Variants in RPGRIP1 observed in about 807,000 individuals in gnomAD.
The protein encoded by RPGRIP1 is X-linked retinitis pigmentosa GTPase regulator-interacting protein 1.
RPGRIP1 carries 128 observed loss-of-function variants against 157.9 expected under a neutral mutation model. The observed-to-expected ratio is 0.81, with a 90% CI of 0.70 to 0.94. The LOEUF is 0.94. RPGRIP1 is among the 40% of genes least tolerant of loss of function. The pLI is 0.00. For synonymous variants in RPGRIP1, 554 were observed against 571.6 expected (o/e 0.97, Z 0.44); for missense variants, 1,486 against 1,545.8 (o/e 0.96, Z 0.65).
At chr14:21,304,843 C>G (rs1363572427) in intron 6 of RPGRIP1, among the ~76,000 whole-genome samples, 2 of 151,778 alleles carry the variant, frequency 1.3e-5, no homozygotes, top group African/African-American at 4.8e-5. Context: ...GCTCAGTTGC[C>G]CAGGCTGGAG....
chr14:21,340,982 G>A (rs971030367), intron 21 of RPGRIP1, among the ~76,000 whole-genome samples: 6 of 152,144 alleles, frequency 3.9e-5, no homozygotes, highest in Non-Finnish European at 8.8e-5. Flanking sequence ...TTTTCTTGAT[G>A]TTTGGGAGAG....
intron 21 of RPGRIP1, among the ~76,000 whole-genome samples, chr14:21,338,997 G>T (rs58117754): frequency 5.9e-5 from 9 of 152,062 alleles, no homozygotes; most frequent in African/African-American, 2.2e-4. Flanking sequence ...TTAGCCGGGC[G>T]TGATGACGGG....
chr14:21,291,949 G>A (rs527292707), intron 2 of RPGRIP1, among the ~76,000 whole-genome samples: 17 of 152,186 alleles, frequency 1.1e-4, no homozygotes, highest in Admixed American at 3.3e-4. Flanking sequence ...TAGTAGAGAC[G>A]GGGTTTCACC....
chr14:21,323,293 G>A (rs368585862), intron 14 of RPGRIP1, among the ~76,000 whole-genome samples: 2 of 152,008 alleles, frequency 1.3e-5, no homozygotes, highest in African/African-American at 4.8e-5. Context: ...ATGGTGGCGG[G>A]CACCTGTAAC....
rs1284509955 is a variant in RPGRIP1 at position 21,317,697 on chromosome 14, A to G, written c.1153A>G (p.Met385Val). 3 of 1,582,638 alleles carry G rather than the reference A, an allele frequency of 1.9e-6. No individual in the cohort carries two copies. The highest frequency in any genetic ancestry group is 2.3e-5 in the East Asian group (1 of 43,384). Residue 385 changes from methionine (M) to valine (V), a missense_variant and splice_region_variant, in exon 11 of 25, where the codon ATG (methionine) becomes GTG (valine). Physicochemically the swap from Met to Val is conservative, Grantham distance 21. Transcript: ENST00000400017. ...NDNYDKLLES[M>V]LDSSDSSSQP... The stretch of plus-strand genomic sequence containing the variant: ...TGAGAGCTTGCTTTCCATTGCCAGC[A>G]TGCTGGACAGCAGTGACAGCTCCAG...
intron 3 of RPGRIP1, among the ~76,000 whole-genome samples, chr14:21,300,397 C>T (rs1045501018): frequency 1.3e-5 from 2 of 150,890 alleles, no homozygotes; most frequent in African/African-American, 4.9e-5. Flanking sequence ...TGAGTGGGGA[C>T]ACAATTCAGG....
intron 21 of RPGRIP1, among the ~76,000 whole-genome samples, chr14:21,341,113 A>G (rs1195526253): frequency 1.3e-5 from 2 of 152,008 alleles, no homozygotes; most frequent in Non-Finnish European, 2.9e-5. Flanking sequence ...TGGCACTGCA[A>G]CCTCCACCTC....
intron 7 of RPGRIP1, among the ~76,000 whole-genome samples, chr14:21,308,575 T>A (rs894095342): frequency 6.6e-6 from 1 of 152,196 alleles, no homozygotes; most frequent in African/African-American, 2.4e-5. Flanking sequence ...CTGATATGGC[T>A]GATAAGTGGA....
chr14:21,320,416 G>C (rs557965366), intron 12 of RPGRIP1, among the ~76,000 whole-genome samples: 1 of 150,214 alleles, frequency 6.7e-6, no homozygotes, highest in East Asian at 2.0e-4. Context: ...TCAGCCTTCC[G>C]AGTAGCTGGG....
At chr14:21,340,035 G>A (rs889184451) in intron 21 of RPGRIP1, among the ~76,000 whole-genome samples, 1 of 152,142 alleles carries the variant, frequency 6.6e-6, no homozygotes, top group South Asian at 2.1e-4. Context: ...AGGAGGGGAC[G>A]TTTGAACTGA....
intron 1 of RPGRIP1, among the ~76,000 whole-genome samples, chr14:21,284,899 C>A (rs543934249): frequency 1.3e-5 from 2 of 152,212 alleles, no homozygotes; most frequent in South Asian, 4.1e-4. Context: ...GAATCAAGAA[C>A]AGAATGCTTT....
chr14:21,301,231 A>G lies in RPGRIP1; in HGVS notation c.484A>G (p.Lys162Glu). The change falls in exon 4 of 25, where the codon AAG becomes GAG. Residue 162 changes from lysine to glutamate, a missense_variant. Lys to Glu is a moderately conservative substitution (Grantham distance 56). Transcript: ENST00000400017. ...TAGAPVPEKP[K>E]RGPRDRLSYT... ...CGGTGCACCGGTGCCGGAGAAACCC[A>G]AGAGGGGTGAGATTTAAGGCTACAT... The G allele has an allele frequency of 6.3e-7, 1 of 1,585,832 alleles. No homozygotes were observed. The highest frequency in any genetic ancestry group is 8.6e-7 in the Non-Finnish European group (1 of 1,167,028).
At chr14:21,346,874 G>C (rs1885625106) in intron 23 of RPGRIP1, among the ~76,000 whole-genome samples, 3 of 152,078 alleles carry the variant, frequency 2.0e-5, no homozygotes, top group Admixed American at 2.0e-4. Flanking sequence ...CAATACTTTT[G>C]TTTCATCTGC....
chr14:21,283,964 G>A (rs1264693186), intron 1 of RPGRIP1, among the ~76,000 whole-genome samples: 3 of 152,164 alleles, frequency 2.0e-5, no homozygotes, highest in Admixed American at 6.6e-5. Context: ...TCTAACATGC[G>A]AAAGTACTTA....
rs371312060 is a variant in RPGRIP1 at position 21,312,424 on chromosome 14, C to A, written c.1078-9C>A. 7.7e-5 allele frequency: 123 copies of A among 1,589,782 alleles called. No individual in the cohort carries two copies. The African/African-American group carries it at 1.5e-3, about 19-fold the overall frequency. On this transcript the variant is annotated splice_polypyrimidine_tract_variant and intron_variant, in intron 9 of 24. Transcript: ENST00000400017. ...AACATTTTATCTCAAGGGCTACTAT[C>A]ACTCTTAGTTTCAGGAGAGAGTTGA...
chr14:21,293,707 T>A (rs1180759955), intron 2 of RPGRIP1, among the ~76,000 whole-genome samples: 1 of 152,000 alleles, frequency 6.6e-6, no homozygotes, highest in Admixed American at 6.6e-5. Flanking sequence ...AGAAACCCCG[T>A]CTCTACTAAA....
chr14:21,317,214 G>T (rs1476650319), intron 10 of RPGRIP1, among the ~76,000 whole-genome samples: 1 of 152,154 alleles, frequency 6.6e-6, no homozygotes, highest in Non-Finnish European at 1.5e-5. Context: ...ATAGGGTGGA[G>T]GATACAGTTG....
chr14:21,325,206 C>A, intron 15 of RPGRIP1, 26 bp from the exon 16 acceptor site: 1 of 1,584,100 alleles, frequency 6.3e-7, no homozygotes. Flanking sequence ...TGTATTCCCC[C>A]TGCTTTCACA....
At chr14:21,284,881 A>G (rs1880247160) in intron 1 of RPGRIP1, among the ~76,000 whole-genome samples, 1 of 152,090 alleles carries the variant, frequency 6.6e-6, no homozygotes, top group South Asian at 2.1e-4. Context: ...CAAAACTGGA[A>G]AAGACTGGAA....
Sources: allele counts gnomAD v4.1 joint callset (sites outside exome capture counted in the v4.1 genomes callset), GRCh38; gene constraint gnomAD v4.1.1; transcripts MANE v1.5; gene names NCBI Gene and HGNC (gene_info 2026-07-23, HGNC 2026-07-21).